Variants in DPP7 observed in about 807,000 individuals in gnomAD.
The protein encoded by DPP7 is dipeptidyl peptidase 2.
A neutral mutation model predicts 58.8 loss-of-function variants in DPP7; 74 were observed. The ratio of observed to expected loss-of-function variants is 1.26; its 90% CI spans 1.04 to 1.53. The LOEUF (loss-of-function observed/expected upper bound fraction) is 1.53. Ranked by LOEUF, DPP7 falls within the 40% of genes most tolerant of loss-of-function variation. The pLI, the probability that DPP7 is intolerant of heterozygous loss-of-function variation, is 0.00. For synonymous variants in DPP7, 350 were observed against 303.6 expected (o/e 1.15, Z -1.59); for missense variants, 807 against 692.3 (o/e 1.17, Z -1.86).
chr9:137,112,293 C>G (rs890963633), intron 8 of DPP7, 63 bp from the exon 9 acceptor site: 9 of 1,346,528 alleles, frequency 6.7e-6, no homozygotes, highest in Non-Finnish European at 9.1e-6. Flanking sequence ...CTCCGGCCAC[C>G]AACCTGTCCC....
In DPP7 at chr9:137,113,072, C is replaced by CT; in HGVS notation, c.750dup (p.Asp251ArgfsTer29). The CT allele has an allele frequency of 6.2e-7, 1 of 1,613,948 alleles. No homozygotes were observed. Among genetic ancestry groups the CT allele is most frequent in the Non-Finnish European group, 8.5e-7 (1 of 1,180,028 alleles). ...AAGAGCTGGGTCAGGTCCTTCTCGTCTGACAGCGGCTGGCAGGTGCCGAAC... is the reference window on the plus strand; with the variant it reads ...AAGAGCTGGGTCAGGTCCTTCTCGTCTTGACAGCGGCTGGCAGGTGCCGAAC... On this transcript the variant is annotated frameshift_variant, in exon 7 of 13. Transcript: ENST00000371579. LOFTEE classifies it high-confidence loss of function.
In DPP7 at chr9:137,114,561, T is replaced by TCCGGGGC. The variant is rs755836133; in HGVS notation, c.76_82dup (p.Asp28GlyfsTer185). On this transcript the variant is annotated frameshift_variant, in exon 2 of 13. Transcript: ENST00000371579. LOFTEE classifies it high-confidence loss of function. ...GAAGAAGCGCTCCTGGAAGCCGGGG[T>TCCGGGGC]CCGGGGCCCTGCGGGCTGTGGGGGG... 63 of 1,556,244 alleles carry TCCGGGGC rather than the reference T, an allele frequency of 4.0e-5. No individual in the cohort carries two copies. Among genetic ancestry groups the TCCGGGGC allele is most frequent in the Non-Finnish European group, 5.4e-5 (62 of 1,152,704 alleles).
intron 10 of DPP7, 40 bp from the exon 11 acceptor site, chr9:137,111,794 G>A (rs765731409): frequency 1.2e-5 from 20 of 1,613,046 alleles, no homozygotes; most frequent in Middle Eastern, 1.6e-4. Context: ...GGCCCCTCAC[G>A]GGGGCTGTGA....
At chr9:137,112,704 G>T in intron 8 of DPP7, 41 bp downstream of exon 8, 1 of 1,574,094 alleles carries the variant, frequency 6.4e-7, no homozygotes, top group Non-Finnish European at 8.6e-7. Flanking sequence ...GCCAAGCCTG[G>T]GGTCTCCACA....
chr9:137,114,739 G>T, upstream of DPP7: 1 of 1,267,532 alleles, frequency 7.9e-7, no homozygotes, highest in Non-Finnish European at 9.9e-7. Flanking sequence ...CGCCCGTCAC[G>T]TGGGCGGGGT....
Position 137,113,885 on chromosome 9 carries a change from G to A in DPP7, c.465C>T (p.Pro155=), listed in dbSNP as rs1394441468. 5 of 1,558,678 alleles carry A rather than the reference G, an allele frequency of 3.2e-6. No homozygotes were observed. Among genetic ancestry groups the A allele is most frequent in the Non-Finnish European group, 4.3e-6 (5 of 1,157,768 alleles). ...LRRDLGAQDA[P]AIAFGGSYGG... Reference sequence around the variant, plus strand: ...CCCACCTTCCACCGAAGGCGATGGCGGGGGCATCCTGGGCCCCGAGGTCGC... The same window carrying A: ...CCCACCTTCCACCGAAGGCGATGGCAGGGGCATCCTGGGCCCCGAGGTCGC... Residue 155 remains proline, a synonymous_variant, in exon 4 of 13, where the codon CCC becomes CCT. Coordinates refer to ENST00000371579, the MANE Select transcript of DPP7 (RefSeq NM_013379.3).
At chr9:137,113,826 G>GGGGA in intron 4 of DPP7, 39 bp downstream of exon 4, 1 of 1,447,194 alleles carries the variant, frequency 6.9e-7, no homozygotes, top group Non-Finnish European at 9.2e-7. Context: ...GGTCGGGGCA[G>GGGGA]GGGAGGGAGG....
chr9:137,115,308 C>T (rs1171366828), upstream of DPP7: 2 of 152,452 alleles, frequency 1.3e-5, no homozygotes, highest in Non-Finnish European at 2.9e-5. Flanking sequence ...GCCCTTCCGA[C>T]TGGCACCCAG....
In DPP7 at chr9:137,114,648, C is replaced by G; in HGVS notation, c.66G>C (p.Gly22=). 7.2e-7 allele frequency: 1 copy of G among 1,380,414 alleles called. No homozygotes were observed. The highest frequency in any genetic ancestry group is 9.4e-7 in the Non-Finnish European group (1 of 1,068,150). The allele number at this position is 1,380,414 out of a possible 1,614,324, so 85.5% of individuals were successfully genotyped here. A position where few individuals can be genotyped will look rare whatever the true frequency, so the allele number is the denominator to read the frequency against. ...LALGLRGLQA[G]ARRAPDPGFQ... is the part of the protein sequence containing the mutation. The stretch of plus-strand genomic sequence containing the variant: ...GGGCCGGGGGGCGCCGCCACTCACC[C>G]CCCGCCTGGAGGCCGCGCAGCCCGA... Residue 22 remains glycine (G), a splice_region_variant and synonymous_variant, in exon 1 of 13, where the codon GGG becomes GGC. Transcript: ENST00000371579.
Position 137,112,614 on chromosome 9 carries a change from A to G in DPP7, c.931+131T>C, listed in dbSNP as rs1588664444. On this transcript the variant is annotated intron_variant, in intron 8 of 12. Transcript: ENST00000371579. Reference sequence around the variant, plus strand: ...GGTTTCTGGGAAGGTCGTGCTGTCCACCCCACCACAGCCCTGGGGCAGGAG... The same window carrying G: ...GGTTTCTGGGAAGGTCGTGCTGTCCGCCCCACCACAGCCCTGGGGCAGGAG... The G allele has an allele frequency of 3.0e-5, 34 of 1,125,380 alleles. No homozygotes were observed. In the South Asian group the frequency reaches 4.5e-4, roughly 15 times the overall value. The allele number at this position is 1,125,380 out of a possible 1,614,324, so 69.7% of individuals were successfully genotyped here.
At chr9:137,115,922 G>C (rs550241486), upstream of DPP7, among the ~76,000 whole-genome samples, 2 of 152,122 alleles carry the variant, frequency 1.3e-5, no homozygotes, top group East Asian at 3.9e-4. Flanking sequence ...GGATGTGGAG[G>C]TACCCCACGG....
At chr9:137,111,660 C>G in intron 11 of DPP7, 30 bp downstream of exon 11, 1 of 1,600,538 alleles carries the variant, frequency 6.2e-7, no homozygotes, top group Non-Finnish European at 8.5e-7. Context: ...AACAAACTAA[C>G]GGGGTCATAG....
In DPP7 at chr9:137,112,189, TGTC is replaced by T. The variant is rs776283019; in HGVS notation, c.970_972del (p.Asp324del). 1.4e-5 allele frequency: 23 copies of T among 1,606,412 alleles called. No individual in the cohort carries two copies. Among genetic ancestry groups the T allele is most frequent in the Admixed American group, 6.7e-5 (4 of 59,940 alleles). On this transcript the variant is annotated inframe_deletion, in exon 9 of 13. Transcript: ENST00000371579. ...GCACAGCTGTGGTAGAGCCGGTAGA[TGTC>T]GTAGCAGTGCTCGGAGCCCGAGGCG...
chr9:137,111,920 C>T lies in DPP7; in HGVS notation c.1160G>A (p.Gly387Asp), dbSNP rs565297394. The change falls in exon 10 of 13, where the codon GGC becomes GAC. Residue 387 changes from glycine to aspartate, a missense_variant. Gly to Asp is a moderately conservative substitution (Grantham distance 94, BLOSUM62 -1). Around this residue, in one of 3 missense-constraint regions of DPP7, gnomAD observed 624 missense variants for 531.2 expected, o/e 1.17. Coordinates refer to ENST00000371579, the MANE Select transcript of DPP7 (RefSeq NM_013379.3). ...LRQRYCLDTW[G>D]VWPRPDWLLT... ...CAGCCAGTCGGGCCGGGGCCACACG[C>T]CCCAGGTGTCCAGGCAGTACCGCTG... 1 of 1,610,414 alleles carries T rather than the reference C, an allele frequency of 6.2e-7. No individual in the cohort carries two copies. The highest frequency in any genetic ancestry group is 8.5e-7 in the Non-Finnish European group (1 of 1,178,240).
At chr9:137,111,636 T>G in intron 11 of DPP7, 54 bp downstream of exon 11, 2 of 1,559,578 alleles carry the variant, frequency 1.3e-6, no homozygotes, top group Non-Finnish European at 1.8e-6. Flanking sequence ...AGACCCTGTC[T>G]CAAAAAAAAA....
chr9:137,112,539 C>T (rs1202426018), intron 8 of DPP7: 2 of 702,030 alleles, frequency 2.8e-6, no homozygotes, highest in Non-Finnish European at 4.6e-6. Flanking sequence ...CTGGGCCTGG[C>T]TACAGCCAGT....
rs1260087555 is a variant in DPP7, at chr9:137,111,968, A to G, written c.1112T>C (p.Leu371Pro). The change falls in exon 10 of 13, where the codon CTG becomes CCG. Residue 371 changes from leucine (L) to proline (P), a missense_variant. By Grantham distance (98) the Leu-to-Pro change is moderately conservative. This residue lies in a region of DPP7 where 624 missense variants were observed against 531.2 expected (regional missense o/e 1.17). Transcript: ENST00000371579. ...CTGGCGGAGCTCGTCAGTGAAGGGCAGGTCCGGGAACATATCGGTCACATT... is the reference window on the plus strand; with the variant it reads ...CTGGCGGAGCTCGTCAGTGAAGGGCGGGTCCGGGAACATATCGGTCACATT... ...SNNVTDMFPD[L>P]PFTDELRQRY... 1.9e-6 allele frequency: 3 copies of G among 1,612,540 alleles called. No homozygotes were observed. Among genetic ancestry groups the G allele is most frequent in the African/African-American group, 2.7e-5 (2 of 74,494 alleles).
At chr9:137,117,402 C>T (rs556356707), upstream of DPP7, among the ~76,000 whole-genome samples, 7 of 152,338 alleles carry the variant, frequency 4.6e-5, no homozygotes, top group South Asian at 6.2e-4. Context: ...TGCCCATCCC[C>T]GGAGCAGCAC....
upstream of DPP7, among the ~76,000 whole-genome samples, chr9:137,116,763 GAACGGAATGTCTCCGTGT>G (rs1831651540): frequency 2.0e-5 from 3 of 152,230 alleles, no homozygotes; most frequent in Admixed American, 2.0e-4. Context: ...ATGCCCCTGG[GAACGGAATGTCTCCGTGT>G]AAAACCCGAT....
Sources: allele counts gnomAD v4.1 joint callset (sites outside exome capture counted in the v4.1 genomes callset), GRCh38; gene constraint gnomAD v4.1.1; regional missense constraint gnomAD v4.1.1; transcripts MANE v1.5; gene names NCBI Gene and HGNC (gene_info 2026-07-23, HGNC 2026-07-21).